The following SHLD1 variants were observed in gnomAD, a reference collection of about 807,000 sequenced individuals.
SHLD1 encodes shieldin complex subunit 1, also known as RINN1-REV7-interacting novel NHEJ regulator 3.
Under a neutral mutation model 5.5 loss-of-function variants are expected in SHLD1, and 3 were observed. That is an observed-to-expected ratio of 0.54 (90% CI 0.25 to 1.40). The LOEUF is 1.40. Ranked by LOEUF, SHLD1 falls within the 40% of genes most tolerant of loss-of-function variation. SHLD1 has a pLI of 0.15. For synonymous variants in SHLD1, 92 were observed against 94.3 expected, an observed-to-expected ratio of 0.98 and a Z score of 0.14; for missense variants, 210 against 244.4, an observed-to-expected ratio of 0.86 and a Z score of 0.94.
intron 2 of SHLD1, among the ~76,000 whole-genome samples, chr20:5,816,955 G>T (rs1459160259): frequency 2.6e-5 from 4 of 152,124 alleles, no homozygotes; most frequent in Admixed American, 2.6e-4. Flanking sequence ...TGTAGCCCCA[G>T]TTATCTTGGG....
intron 2 of SHLD1, among the ~76,000 whole-genome samples, chr20:5,828,337 T>C (rs73596846): frequency 0.018 from 2,438 of 134,250 alleles, 61 homozygotes; most frequent in African/African-American, 0.06. Context: ...AGGTCTTTCA[T>C]AGCTGTTTGT....
rs1028870138 is a variant in SHLD1 at position 5,806,483 on chromosome 20, G to A, written c.178+33440G>A. Among the ~76,000 whole-genome samples the A allele has an allele frequency of 6.6e-6, 1 of 152,178 alleles. No individual in the cohort carries two copies. The highest frequency in any genetic ancestry group is 2.4e-5 in the African/African-American group (1 of 41,442). ...GGATTATCTGCAATACATGCCTTGT[G>A]TTCATTTCCTCTCCTACCAGTCAGG... On this transcript the variant is annotated intron_variant, in intron 2 of 2. Coordinates refer to ENST00000303142, the MANE Select transcript of SHLD1 (RefSeq NM_152504.4). The surrounding 1 kb of genome is among the most constrained non-coding windows in gnomAD (Gnocchi z 7.6).
chr20:5,770,188 T>C (rs1985077120), intron 1 of SHLD1, among the ~76,000 whole-genome samples: 1 of 152,108 alleles, frequency 6.6e-6, no homozygotes, highest in Admixed American at 6.6e-5. Context: ...GGATCCTTGA[T>C]AGTGTTTTTT....
chr20:5,829,808 C>T (rs1600161871), intron 2 of SHLD1, among the ~76,000 whole-genome samples: 1 of 151,916 alleles, frequency 6.6e-6, no homozygotes. Flanking sequence ...GCAGCTTGTC[C>T]TTTATAATAG....
At chr20:5,790,440 A>G (rs922781011) in intron 2 of SHLD1, among the ~76,000 whole-genome samples, 9 of 144,574 alleles carry the variant, frequency 6.2e-5, no homozygotes, top group Non-Finnish European at 1.2e-4. Context: ...GCATGCTAAC[A>G]TAAAGGATTT....
At chr20:5,815,639 C>T (rs999040458) in intron 2 of SHLD1, among the ~76,000 whole-genome samples, 25 of 152,168 alleles carry the variant, frequency 1.6e-4, no homozygotes, top group African/African-American at 6.0e-4. Context: ...CTATCTGGCC[C>T]TATACAGGAA....
At chr20:5,770,004 C>CAAAA (rs113692130) in intron 1 of SHLD1, among the ~76,000 whole-genome samples, 3 of 55,046 alleles carry the variant, frequency 5.4e-5, no homozygotes, top group Non-Finnish European at 1.0e-4. Context: ...AACTCCTTCT[C>CAAAA]AAAAAAAAAA....
chr20:5,773,364 T>TG, intron 2 of SHLD1: 1 of 578,184 alleles, frequency 1.7e-6, no homozygotes, highest in South Asian at 2.2e-5. Context: ...GGAATTTTTT[T>TG]TTGTTTTGTT....
chr20:5,771,966 G>A (rs549926244), intron 1 of SHLD1: 21 of 418,756 alleles, frequency 5.0e-5, no homozygotes, highest in Admixed American at 2.5e-4. Flanking sequence ...CCTCCGCTTC[G>A]CAAGTTCAAG....
chr20:5,802,260 G>T (rs1321065468), intron 2 of SHLD1, among the ~76,000 whole-genome samples: 1 of 137,080 alleles, frequency 7.3e-6, no homozygotes, highest in Non-Finnish European at 1.6e-5. Flanking sequence ...CACCTTCTCA[G>T]CTTTGTGAAA....
intron 2 of SHLD1, among the ~76,000 whole-genome samples, chr20:5,778,462 C>G (rs915327070): frequency 1.3e-5 from 2 of 151,720 alleles, no homozygotes; most frequent in Non-Finnish European, 2.9e-5. Flanking sequence ...TAAAAATTAG[C>G]CGGGTGTGGT....
intron 2 of SHLD1, among the ~76,000 whole-genome samples, chr20:5,852,703 G>C (rs558149926): frequency 1.1e-4 from 17 of 152,312 alleles, no homozygotes; most frequent in African/African-American, 4.1e-4. Flanking sequence ...GCCTGCCTCA[G>C]CCTCCCAAAG....
chr20:5,765,040 C>T (rs972839419), intron 1 of SHLD1: 1 of 149,996 alleles, frequency 6.7e-6, no homozygotes, highest in African/African-American at 2.5e-5. Flanking sequence ...GAACCCTACT[C>T]TCCAGTATTG....
intron 2 of SHLD1, among the ~76,000 whole-genome samples, chr20:5,858,461 T>G (rs540807465): frequency 6.6e-6 from 1 of 152,228 alleles, no homozygotes; most frequent in Non-Finnish European, 1.5e-5. Flanking sequence ...AAGTGCTCCA[T>G]GCCAGTTGAC....
At chr20:5,751,720 A>G (rs1342077654) in intron 1 of SHLD1, among the ~76,000 whole-genome samples, 2 of 152,238 alleles carry the variant, frequency 1.3e-5, no homozygotes, top group Non-Finnish European at 2.9e-5. Flanking sequence ...CTGAGCCAGT[A>G]TGATTGACCA....
chr20:5,792,897 A>T (rs2087162316), intron 2 of SHLD1, among the ~76,000 whole-genome samples: 1 of 150,964 alleles, frequency 6.6e-6, no homozygotes, highest in Non-Finnish European at 1.5e-5. Flanking sequence ...CTGGTCTCGA[A>T]CTCCCGATGT....
At chr20:5,817,426 CTCTCTCTGTG>C (rs1410517855) in intron 2 of SHLD1, among the ~76,000 whole-genome samples, 205 of 126,980 alleles carry the variant, frequency 1.6e-3, no homozygotes, top group Non-Finnish European at 2.5e-3. Flanking sequence ...CTCTCTCTCT[CTCTCTCTGTG>C]TGTGTGTGTG....
chr20:5,763,276 G>A (rs541419693), intron 1 of SHLD1, among the ~76,000 whole-genome samples: 172 of 98,986 alleles, frequency 1.7e-3, no homozygotes, highest in Non-Finnish European at 2.3e-3. Flanking sequence ...GGCAACAAGA[G>A]CAAAACTCCA....
intron 1 of SHLD1, among the ~76,000 whole-genome samples, chr20:5,764,171 TATA>T (rs1249026208): frequency 0.02 from 1,676 of 85,230 alleles, 24 homozygotes; most frequent in Non-Finnish European, 0.03. Flanking sequence ...TATATATATA[TATA>T]TTTTTATATA....
Sources: gnomAD v4.1 joint callset for allele counts (sites outside exome capture counted in the v4.1 genomes callset) on GRCh38, gnomAD v4.1.1 for gene constraint, Gnocchi (gnomAD v3.1) non-coding constraint, MANE v1.5 for transcripts, NCBI Gene and HGNC (gene_info 2026-07-23, HGNC 2026-07-21) for gene names.